Variants in CFI observed in about 807,000 individuals in gnomAD.
The protein encoded by CFI is complement factor I, also known as C3B/C4B inactivator.
Under a neutral mutation model 78.8 loss-of-function variants are expected in CFI, and 66 were observed. The ratio of observed to expected loss-of-function variants is 0.84; its 90% CI spans 0.69 to 1.03. The LOEUF (loss-of-function observed/expected upper bound fraction) is 1.03, where lower values mean the gene tolerates loss of function less well. Among genes scored for constraint, CFI ranks in the 50% least tolerant of loss-of-function variants. The pLI is 0.00. For synonymous variants in CFI, 250 were observed against 232.6 expected, an observed-to-expected ratio of 1.07 and a Z score of -0.68; for missense variants, 706 against 704.5, an observed-to-expected ratio of 1.00 and a Z score of -0.02.
At chr4:109,795,471 A>G (rs980327381) in intron 1 of CFI, among the ~76,000 whole-genome samples, 1 of 152,224 alleles carries the variant, frequency 6.6e-6, no homozygotes, top group African/African-American at 2.4e-5. Context: ...AAGAAAAAAG[A>G]CACTATCCAA....
intron 7 of CFI, among the ~76,000 whole-genome samples, chr4:109,753,181 T>TTTATTATATAAATAAA (rs1725448469): frequency 4.7e-5 from 1 of 21,320 alleles, no homozygotes; most frequent in African/African-American, 1.6e-4. Flanking sequence ...TATAATATAT[T>TTTATTATATAAATAAA]TATTATATAA....
At chr4:109,779,334 C>A (rs553380661) in intron 1 of CFI, among the ~76,000 whole-genome samples, 1 of 152,150 alleles carries the variant, frequency 6.6e-6, no homozygotes, top group South Asian at 2.1e-4. Flanking sequence ...TCCTATACAC[C>A]AAGAACAGAC....
intron 6 of CFI, among the ~76,000 whole-genome samples, chr4:109,758,184 G>T (rs1726563970): frequency 6.6e-6 from 1 of 151,780 alleles, no homozygotes; most frequent in Non-Finnish European, 1.5e-5. Flanking sequence ...GAGGTCAGGT[G>T]CAGTGGCTCA....
chr4:109,740,200 A>G (rs190482587), downstream of CFI, among the ~76,000 whole-genome samples: 4 of 152,266 alleles, frequency 2.6e-5, no homozygotes, highest in African/African-American at 9.6e-5. Context: ...CTGGGGTGGC[A>G]TGATTGCTTG....
At chr4:109,757,642 G>T in intron 7 of CFI, 121 bp downstream of exon 7, 1 of 654,220 alleles carries the variant, frequency 1.5e-6, no homozygotes, top group Non-Finnish European at 2.6e-6. Context: ...TGTTCAGGCT[G>T]GGTTATTACT....
intron 8 of CFI, among the ~76,000 whole-genome samples, chr4:109,750,394 C>T (rs1294389783): frequency 6.6e-6 from 1 of 152,084 alleles, no homozygotes; most frequent in East Asian, 1.9e-4. Context: ...ATATGTCAGG[C>T]CCCATACTGA....
intron 1 of CFI, among the ~76,000 whole-genome samples, chr4:109,772,398 T>C (rs1728716144): frequency 6.6e-6 from 1 of 152,280 alleles, no homozygotes; most frequent in South Asian, 2.1e-4. Context: ...ATGCCTCATA[T>C]GTCTATGTAC....
downstream of CFI, among the ~76,000 whole-genome samples, chr4:109,737,659 G>A (rs1723446650): frequency 6.6e-6 from 1 of 152,180 alleles, no homozygotes; most frequent in South Asian, 2.1e-4. Context: ...GTGGAGACTG[G>A]GACCCATGCT....
At chr4:109,770,610 C>A (rs1579250053) in intron 1 of CFI, among the ~76,000 whole-genome samples, 3 of 115,502 alleles carry the variant, frequency 2.6e-5, no homozygotes, top group Admixed American at 1.9e-4. Flanking sequence ...GCCATTTAGA[C>A]ATGAAAATAT....
At chr4:109,764,735 T>A (rs755511407) in intron 2 of CFI, 45 bp from the exon 3 acceptor site, 14 of 1,556,980 alleles carry the variant, frequency 9.0e-6, no homozygotes, top group Non-Finnish European at 1.2e-5. Flanking sequence ...AGCCATTCAC[T>A]TTTTTCTCTT....
At chr4:109,759,319 G>C (rs978061748) in intron 6 of CFI, among the ~76,000 whole-genome samples, 8 of 151,590 alleles carry the variant, frequency 5.3e-5, no homozygotes, top group African/African-American at 1.5e-4. Flanking sequence ...GATAACTCTT[G>C]ATGAATAAAG....
intron 1 of CFI, among the ~76,000 whole-genome samples, chr4:109,777,192 G>A (rs1469914595): frequency 6.6e-6 from 1 of 152,170 alleles, no homozygotes; most frequent in Admixed American, 6.5e-5. Flanking sequence ...TGGATAAAGA[G>A]TCAAGACCCA....
At chr4:109,796,704 A>G (rs1386526671) in intron 1 of CFI, among the ~76,000 whole-genome samples, 1 of 152,226 alleles carries the variant, frequency 6.6e-6, no homozygotes, top group Admixed American at 6.5e-5. Flanking sequence ...AGGCTGGGGT[A>G]GGAGGGTAGC....
Position 109,740,920 on chromosome 4 carries a change from C to G in CFI, c.1725G>C (p.Arg575Ser). 6.2e-7 allele frequency: 1 copy of G among 1,614,030 alleles called. No homozygotes were observed. The highest frequency in any genetic ancestry group is 1.1e-5 in the South Asian group (1 of 91,082). The change falls in exon 13 of 13, where the codon AGG (arginine) becomes AGC (serine). Residue 575 changes from arginine to serine, a missense_variant. By Grantham distance (110) the Arg-to-Ser change is moderately radical. Coordinates refer to ENST00000394634, the MANE Select transcript of CFI (RefSeq NM_000204.5). ...YFDWISYHVG[R>S]PFISQYNV ...ATACATTGTACTGAGAAATAAAAGG[C>G]CTTCCTACATGGTAGCTAATCCAGT...
Position 109,784,830 on chromosome 4 carries a change from C to A in CFI, c.57+17085G>T, listed in dbSNP as rs140435208. Among the ~76,000 whole-genome samples, 490 of 152,090 alleles carry A rather than the reference C, an allele frequency of 3.2e-3. 2 individuals carry two copies. The highest frequency in any genetic ancestry group is 0.011 in the African/African-American group (442 of 41,500). ...AGTATCTTTTGTCAGGCCTCTGAGC[C>A]CAAGCTAAGCCATCATATCTCCTGT... is the stretch of plus-strand genomic sequence containing the variant. On this transcript the variant is annotated intron_variant, in intron 1 of 12. Transcript: ENST00000394634.
chr4:109,751,157 C>T (rs1219256439), intron 8 of CFI, among the ~76,000 whole-genome samples: 1 of 152,162 alleles, frequency 6.6e-6, no homozygotes, highest in African/African-American at 2.4e-5. Flanking sequence ...GGCCTCTCAG[C>T]TTCCTTAGAC....
rs1278668802 is a variant in CFI at position 109,766,788 on chromosome 4, T to C, written c.94A>G (p.Lys32Glu). ...YTSQEDLVEK[K>E]CLAKKYTHLS... ...TGAGTATATTTTTTTGCTAAGCACT[T>C]TTTCTCCACCAGATCCTCTTGAGAT... is the stretch of plus-strand genomic sequence containing the variant. The change falls in exon 2 of 13, where the codon AAG (lysine) becomes GAG (glutamate). Residue 32 changes from lysine (K) to glutamate (E), a missense_variant. Transcript: ENST00000394634. 1 of 1,614,022 alleles carries C rather than the reference T, an allele frequency of 6.2e-7. No homozygotes were observed. Among genetic ancestry groups the C allele is most frequent in the Admixed American group, 1.7e-5 (1 of 59,996 alleles).
chr4:109,782,766 T>A (rs1479196657), intron 1 of CFI, among the ~76,000 whole-genome samples: 3 of 152,110 alleles, frequency 2.0e-5, no homozygotes, highest in African/African-American at 7.2e-5. Context: ...TCACACTACC[T>A]GATTTCAAAC....
chr4:109,749,114 G>T, intron 10 of CFI, 104 bp downstream of exon 10: 1 of 1,027,068 alleles, frequency 9.7e-7, no homozygotes, highest in Non-Finnish European at 1.6e-6. Context: ...ATATAGTGGA[G>T]TTTGTCAGTA....
Sources: allele counts gnomAD v4.1 joint callset (sites outside exome capture counted in the v4.1 genomes callset), GRCh38; gene constraint gnomAD v4.1.1; transcripts MANE v1.5; gene names NCBI Gene and HGNC (gene_info 2026-07-23, HGNC 2026-07-21).